Variants in NEGR1 observed in about 807,000 individuals in gnomAD.
NEGR1 encodes IgLON family member 4.
In NEGR1, 10 loss-of-function variants were observed where a neutral mutation model predicts 40.9. The observed-to-expected ratio is 0.24, with a 90% CI of 0.15 to 0.42. The LOEUF (loss-of-function observed/expected upper bound fraction) is 0.42, where lower values mean the gene tolerates loss of function less well. NEGR1 is among the 10% of genes least tolerant of loss of function. The probability of loss-of-function intolerance (pLI) is 1.00; values close to 1 mark genes in which losing one functional copy is unlikely to be tolerated. For synonymous variants in NEGR1, 185 were observed against 166.8 expected (o/e 1.11, Z -0.84); for missense variants, 352 against 438.9 (o/e 0.80, Z 1.77).
intron 1 of NEGR1, among the ~76,000 whole-genome samples, chr1:72,024,818 C>A (rs977884444): frequency 6.6e-6 from 1 of 152,172 alleles, no homozygotes; most frequent in Admixed American, 6.5e-5. Flanking sequence ...CTGACGATTA[C>A]AAATCTTTAA....
At position 71,620,519 on chromosome 1, in the gene NEGR1, G is replaced by A. The variant is rs937070616; in HGVS notation, c.668-9373C>T. Among the ~76,000 whole-genome samples, 4 of 151,916 alleles carry A rather than the reference G, an allele frequency of 2.6e-5. 1 individual carries two copies. The highest frequency in any genetic ancestry group is 4.2e-4 in the South Asian group (2 of 4,818). ...GAAGACAGGTTGAAACTCAGGGTGGGAAACAATGACAATCTTTCAAAGGTT... is the reference window on the plus strand; with the variant it reads ...GAAGACAGGTTGAAACTCAGGGTGGAAAACAATGACAATCTTTCAAAGGTT... On this transcript the variant is annotated intron_variant, in intron 4 of 6. Coordinates refer to ENST00000357731, the MANE Select transcript of NEGR1 (RefSeq NM_173808.3).
At position 71,560,437 on chromosome 1, in the gene NEGR1, ATATATATATATG is replaced by A. The variant is rs1403678644; in HGVS notation, c.940+32368_940+32379del. On this transcript the variant is annotated intron_variant, in intron 6 of 6. Transcript: ENST00000357731. ...CCCTGTGTAATTCTCCATTATATATATATATATATATGTATATATATATTTCCAATTAACCAT... is the reference window on the plus strand; with the variant it reads ...CCCTGTGTAATTCTCCATTATATATATATATATATATTTCCAATTAACCAT... 3.0e-3 allele frequency among the ~76,000 whole-genome samples: 413 copies of A among 136,474 alleles called. 12 individuals carry two copies. The highest frequency in any genetic ancestry group is 7.5e-3 in the Middle Eastern group (2 of 266). The allele number at this position is 136,474 out of a possible 152,430, so 89.5% of individuals were successfully genotyped here. A position where few individuals can be genotyped will look rare whatever the true frequency, so the allele number is the denominator to read the frequency against.
intron 2 of NEGR1, among the ~76,000 whole-genome samples, chr1:71,843,173 G>A (rs1659301698): frequency 6.6e-6 from 1 of 152,082 alleles, no homozygotes; most frequent in Admixed American, 6.6e-5. Context: ...CATGCCCAAG[G>A]ACAGCGGCTG....
chr1:71,961,513 C>T (rs983947799), intron 1 of NEGR1, among the ~76,000 whole-genome samples: 3 of 152,054 alleles, frequency 2.0e-5, no homozygotes, highest in African/African-American at 7.2e-5. Flanking sequence ...TAGTTTGTAA[C>T]CTCCCAAAAC....
In NEGR1 at chr1:71,597,458, C is replaced by G. The variant is rs1194637402; in HGVS notation, c.789-4490G>C. ...TCTCTCTCTCTCTCTCTCTCTCTCT[C>G]TCTCTCTCTCTCTCTGTGTGTGTGT... On this transcript the variant is annotated intron_variant, in intron 5 of 6. Transcript: ENST00000357731. 5.7e-3 allele frequency among the ~76,000 whole-genome samples: 372 copies of G among 65,456 alleles called. 3 individuals carry two copies. The highest frequency in any genetic ancestry group is 0.02 in the African/African-American group (350 of 17,258). 42.9% of individuals were successfully genotyped at this position (65,456 alleles called of 152,430 possible).
At chr1:72,078,395 T>G (rs1411703237) in intron 1 of NEGR1, among the ~76,000 whole-genome samples, 1 of 152,064 alleles carries the variant, frequency 6.6e-6, no homozygotes, top group African/African-American at 2.4e-5. Context: ...AATTCATACA[T>G]GGCTTTTGAA....
chr1:71,587,134 A>G (rs1649333947), intron 6 of NEGR1, among the ~76,000 whole-genome samples: 1 of 152,070 alleles, frequency 6.6e-6, no homozygotes, highest in Non-Finnish European at 1.5e-5. Flanking sequence ...CTGTGGTATC[A>G]CCTTTCAGGG....
intron 2 of NEGR1, among the ~76,000 whole-genome samples, chr1:71,865,917 T>C (rs530576607): frequency 1.3e-5 from 2 of 152,292 alleles, no homozygotes; most frequent in African/African-American, 4.8e-5. Context: ...TTTCCTGTAT[T>C]AAACAAAGAC....
intron 3 of NEGR1, among the ~76,000 whole-genome samples, chr1:71,700,235 A>G (rs1337634472): frequency 2.6e-5 from 4 of 152,006 alleles, no homozygotes. Context: ...TATGAGGTAA[A>G]TTCCATTACA....
At chr1:72,197,108 T>A (rs1372283791) in intron 1 of NEGR1, among the ~76,000 whole-genome samples, 1 of 151,872 alleles carries the variant, frequency 6.6e-6, no homozygotes, top group Non-Finnish European at 1.5e-5. Context: ...ACACAAAGAG[T>A]TATGTATCAT....
intron 3 of NEGR1, among the ~76,000 whole-genome samples, chr1:71,705,016 T>C (rs1199617560): frequency 1.3e-5 from 2 of 152,042 alleles, no homozygotes; most frequent in Admixed American, 1.3e-4. Context: ...AATATATGGG[T>C]ATATTAACAT....
intron 1 of NEGR1, among the ~76,000 whole-genome samples, chr1:72,014,004 A>G (rs900882325): frequency 6.7e-6 from 1 of 150,000 alleles, no homozygotes; most frequent in East Asian, 1.9e-4. Context: ...TTGGGGGAGA[A>G]CTAGTTAATT....
intron 6 of NEGR1, among the ~76,000 whole-genome samples, chr1:71,527,754 A>T (rs1031850200): frequency 3.3e-5 from 5 of 151,286 alleles, no homozygotes; most frequent in Non-Finnish European, 7.4e-5. Flanking sequence ...TTTAGCATAG[A>T]ACTTGATGAT....
chr1:71,442,068 A>G (rs1414624419), intron 6 of NEGR1, among the ~76,000 whole-genome samples: 1 of 152,130 alleles, frequency 6.6e-6, no homozygotes, highest in African/African-American at 2.4e-5. Context: ...ATCCTATAAG[A>G]ACCTGAATCA....
chr1:71,477,861 A>G (rs1387365666), intron 6 of NEGR1, among the ~76,000 whole-genome samples: 1 of 151,784 alleles, frequency 6.6e-6, no homozygotes, highest in East Asian at 2.0e-4. Context: ...CAGATATCTT[A>G]ATAGTCAGAC....
At chr1:71,779,966 G>C (rs1656647433) in intron 2 of NEGR1, among the ~76,000 whole-genome samples, 2 of 141,842 alleles carry the variant, frequency 1.4e-5, no homozygotes, top group Admixed American at 7.3e-5. Context: ...TCTGTCGTCA[G>C]AATAAGGTGT....
chr1:71,606,447 T>A (rs528670750), intron 5 of NEGR1, among the ~76,000 whole-genome samples: 1 of 152,320 alleles, frequency 6.6e-6, no homozygotes, highest in Non-Finnish European at 1.5e-5. Context: ...GCTCCTGGAT[T>A]CCTGACCCAC....
intron 1 of NEGR1, among the ~76,000 whole-genome samples, chr1:72,132,982 A>G (rs548150802): frequency 2.7e-4 from 41 of 152,242 alleles, no homozygotes; most frequent in African/African-American, 9.4e-4. Flanking sequence ...TTTCTCTTTT[A>G]GCTTCTTTTT....
intron 2 of NEGR1, among the ~76,000 whole-genome samples, chr1:71,790,328 C>G (rs1657068741): frequency 6.6e-6 from 1 of 152,032 alleles, no homozygotes; most frequent in Admixed American, 6.6e-5. Flanking sequence ...GAATTTTAAG[C>G]AACTTGGATG....
Sources: allele counts gnomAD v4.1 joint callset (sites outside exome capture counted in the v4.1 genomes callset), GRCh38; gene constraint gnomAD v4.1.1; transcripts MANE v1.5; gene names NCBI Gene and HGNC (gene_info 2026-07-23, HGNC 2026-07-21).